DAB1: variants seen among roughly 807,000 people sequenced by gnomAD.
The protein encoded by DAB1 is DAB adaptor protein 1.
In DAB1, 15 loss-of-function variants were observed where a neutral mutation model predicts 64.6. The ratio of observed to expected loss-of-function variants is 0.23; its 90% CI spans 0.16 to 0.36. The LOEUF (loss-of-function observed/expected upper bound fraction) is 0.36, where lower values mean the gene tolerates loss of function less well. Among genes scored for constraint, DAB1 ranks in the 10% least tolerant of loss-of-function variants. DAB1 has a pLI of 1.00. For missense variants in DAB1, 596 were observed against 706.7 expected, an observed-to-expected ratio of 0.84 and a Z score of 1.78; for synonymous variants, 235 against 251.9, an observed-to-expected ratio of 0.93 and a Z score of 0.64.
At chr1:57,658,398 G>A (rs556630036) in intron 6 of DAB1, among the ~76,000 whole-genome samples, 8 of 151,072 alleles carry the variant, frequency 5.3e-5, no homozygotes, top group African/African-American at 1.7e-4. Context: ...CCGCCTCCCG[G>A]GTTCACGCCA....
At chr1:57,698,547 G>A (rs1218337317) in intron 6 of DAB1, among the ~76,000 whole-genome samples, 3 of 152,136 alleles carry the variant, frequency 2.0e-5, no homozygotes, top group Non-Finnish European at 4.4e-5. Context: ...ACAAGAGTAT[G>A]TCGTCTGGAG....
At chr1:57,153,039 A>G (rs1659845103) in intron 2 of DAB1, among the ~76,000 whole-genome samples, 1 of 152,156 alleles carries the variant, frequency 6.6e-6, no homozygotes, top group Admixed American at 6.5e-5. Flanking sequence ...TATCATTACT[A>G]TTTTGAGGCA....
intron 7 of DAB1, among the ~76,000 whole-genome samples, chr1:57,431,573 C>A (rs141954930): frequency 6.6e-6 from 1 of 152,278 alleles, no homozygotes; most frequent in East Asian, 1.9e-4. Flanking sequence ...AAACTTGACT[C>A]TGGTTTACAA....
intron 7 of DAB1, among the ~76,000 whole-genome samples, chr1:57,497,047 T>C (rs181471966): frequency 1.8e-4 from 27 of 152,288 alleles, no homozygotes; most frequent in African/African-American, 6.3e-4. Flanking sequence ...CTTCACTCTG[T>C]TCAGAAAGTT....
At chr1:58,314,349 T>A (rs1257370847) in intron 4 of DAB1, among the ~76,000 whole-genome samples, 2 of 152,194 alleles carry the variant, frequency 1.3e-5, no homozygotes, top group East Asian at 3.8e-4. Context: ...TTCAGTCCTT[T>A]TTGGGTCCTT....
chr1:57,162,706 A>G (rs1435472434), intron 2 of DAB1, among the ~76,000 whole-genome samples: 2 of 152,176 alleles, frequency 1.3e-5, no homozygotes. Context: ...TGGTCTTGGT[A>G]TATTCTGGTG....
intron 5 of DAB1, among the ~76,000 whole-genome samples, chr1:58,096,291 A>T (rs967151196): frequency 5.9e-5 from 9 of 152,212 alleles, no homozygotes; most frequent in African/African-American, 1.9e-4. Context: ...TTACTATCAT[A>T]CTATGATAAT....
At chr1:57,520,949 A>G (rs1644518718) in intron 7 of DAB1, among the ~76,000 whole-genome samples, 1 of 152,026 alleles carries the variant, frequency 6.6e-6, no homozygotes, top group Non-Finnish European at 1.5e-5. Context: ...TGTGGCCATG[A>G]AAGGTAATGT....
At chr1:57,122,951 C>T (rs963918702) in intron 4 of DAB1, among the ~76,000 whole-genome samples, 3 of 151,992 alleles carry the variant, frequency 2.0e-5, no homozygotes, top group Admixed American at 1.3e-4. Flanking sequence ...TGAGTCATGC[C>T]CCTCTCCATC....
intron 12 of DAB1, 82 bp from the exon 13 acceptor site, chr1:57,011,354 T>A: frequency 6.6e-7 from 1 of 1,518,054 alleles, no homozygotes; most frequent in African/African-American, 1.4e-5. Flanking sequence ...AGGAATCTGC[T>A]TATATTGAAG....
intron 5 of DAB1, chr1:58,048,545 T>A: frequency 8.8e-7 from 1 of 1,142,544 alleles, no homozygotes; most frequent in East Asian, 2.3e-5. Flanking sequence ...ATAACCACCA[T>A]AATTGCCAAA....
At chr1:58,392,610 G>A (rs1644485280) in intron 3 of DAB1, among the ~76,000 whole-genome samples, 1 of 152,132 alleles carries the variant, frequency 6.6e-6, no homozygotes. Flanking sequence ...TGCCCTCCAC[G>A]ACTGCTACCC....
intron 2 of DAB1, among the ~76,000 whole-genome samples, chr1:57,152,992 T>A (rs1166348046): frequency 1.3e-5 from 2 of 152,000 alleles, no homozygotes; most frequent in Non-Finnish European, 2.9e-5. Flanking sequence ...CTGTATAAAT[T>A]ACATACATGT....
chr1:58,072,064 T>C lies in DAB1; in HGVS notation n.387+78447A>G, dbSNP rs945350200. Reference sequence around the variant, plus strand: ...GAGAAAAATAAAGCAGGATAGGGGATAGCAAACATTATTGGTGGGGTGGGG... The same window carrying C: ...GAGAAAAATAAAGCAGGATAGGGGACAGCAAACATTATTGGTGGGGTGGGG... On this transcript the variant is annotated intron_variant and non_coding_transcript_variant, in intron 5 of 20. Coordinates refer to the DAB1 transcript ENST00000485760. 5.8e-5 allele frequency among the ~76,000 whole-genome samples: 5 copies of C among 86,454 alleles called. No homozygotes were observed. In the Admixed American group the frequency reaches 8.1e-4, roughly 14 times the overall value. 56.7% of individuals were successfully genotyped at this position (86,454 alleles called of 152,430 possible).
intron 3 of DAB1, among the ~76,000 whole-genome samples, chr1:58,385,658 T>G (rs985870271): frequency 2.0e-5 from 3 of 152,230 alleles, no homozygotes; most frequent in Non-Finnish European, 2.9e-5. Flanking sequence ...ATTTTATCAT[T>G]CATTTTTAAA....
chr1:58,114,529 T>C (rs951279436), intron 5 of DAB1, among the ~76,000 whole-genome samples: 10 of 152,242 alleles, frequency 6.6e-5, no homozygotes, highest in African/African-American at 2.4e-4. Flanking sequence ...CATCAAACTA[T>C]GGCCCAGAGG....
intron 7 of DAB1, among the ~76,000 whole-genome samples, chr1:57,438,222 T>TA (rs5774345): frequency 0.034 from 4,957 of 147,292 alleles, 87 homozygotes; most frequent in South Asian, 0.058. Flanking sequence ...GATGCAAATG[T>TA]AAAAAAAAAA....
chr1:58,461,502 C>G (rs1401407478), intron 3 of DAB1, among the ~76,000 whole-genome samples: 1 of 152,210 alleles, frequency 6.6e-6, no homozygotes, highest in Non-Finnish European at 1.5e-5. Context: ...CAGTGCTACT[C>G]AGGGATGGCC....
intron 6 of DAB1, among the ~76,000 whole-genome samples, chr1:57,660,399 G>A (rs1032659478): frequency 2.0e-5 from 3 of 152,262 alleles, no homozygotes; most frequent in South Asian, 2.1e-4. Flanking sequence ...GGGGCCCCAG[G>A]CACAGGTTGC....
Sources: gnomAD v4.1 joint callset for allele counts (sites outside exome capture counted in the v4.1 genomes callset) on GRCh38, gnomAD v4.1.1 for gene constraint, MANE v1.5 for transcripts, NCBI Gene and HGNC (gene_info 2026-07-23, HGNC 2026-07-21) for gene names.